Variants in NFAT5 observed in about 807,000 individuals in gnomAD.
NFAT5 encodes the protein nuclear factor of activated T-cells 5.
Under a neutral mutation model 166.5 loss-of-function variants are expected in NFAT5, and 31 were observed. That is an observed-to-expected ratio of 0.19 (90% CI 0.14 to 0.25). The LOEUF is 0.25. Ranked by LOEUF, NFAT5 falls within the 10% of genes least tolerant of loss-of-function variation. The pLI is 1.00. For synonymous variants in NFAT5, 612 were observed against 639.7 expected (o/e 0.96, Z 0.65); for missense variants, 1,449 against 1,821.8 (o/e 0.80, Z 3.72).
intron 14 of NFAT5, chr16:69,695,786 C>G (rs2037747263): frequency 6.1e-6 from 1 of 163,274 alleles, no homozygotes; most frequent in African/African-American, 2.4e-5. Context: ...GACATGACAT[C>G]TCAAGTGGAA....
At chr16:69,578,853 A>T (rs1465653212) in intron 2 of NFAT5, among the ~76,000 whole-genome samples, 1 of 151,958 alleles carries the variant, frequency 6.6e-6, no homozygotes, top group African/African-American at 2.4e-5. Flanking sequence ...CTTTAGAAAC[A>T]CTATAAAAGT....
At chr16:69,685,001 A>G (rs751521802) in intron 11 of NFAT5, 31 bp downstream of exon 11, 1 of 1,494,806 alleles carries the variant, frequency 6.7e-7, no homozygotes, top group South Asian at 1.2e-5. Flanking sequence ...AAAAATCGTA[A>G]TTGGGTGCTC....
In NFAT5 at chr16:69,673,901, C is replaced by A. The variant is rs373428563; in HGVS notation, c.1558-3302C>A. On this transcript the variant is annotated intron_variant, in intron 9 of 14. Transcript: ENST00000349945. Reference sequence around the variant, plus strand: ...GTTGTGAAAGATTGTAATAGCTGTTCAGTTGCAAACCCAAAATCAATTCAT... The same window carrying A: ...GTTGTGAAAGATTGTAATAGCTGTTAAGTTGCAAACCCAAAATCAATTCAT... Among the ~76,000 whole-genome samples the A allele has an allele frequency of 1.3e-4, 20 of 152,192 alleles. 1 individual carries two copies. The highest frequency in any genetic ancestry group is 4.6e-4 in the African/African-American group (19 of 41,518).
intron 7 of NFAT5, among the ~76,000 whole-genome samples, chr16:69,662,199 T>G (rs993387825): frequency 6.6e-6 from 1 of 152,168 alleles, no homozygotes; most frequent in Non-Finnish European, 1.5e-5. Context: ...TGCTCAGAGA[T>G]GGTAGAACTT....
intron 7 of NFAT5, among the ~76,000 whole-genome samples, chr16:69,661,457 C>G (rs1597492767): frequency 7.3e-6 from 1 of 136,774 alleles, no homozygotes; most frequent in South Asian, 2.3e-4. Context: ...GCAGAAGGAT[C>G]ACTTGAGCCC....
At chr16:69,675,892 C>T (rs1358651266) in intron 9 of NFAT5, among the ~76,000 whole-genome samples, 4 of 152,320 alleles carry the variant, frequency 2.6e-5, no homozygotes, top group East Asian at 1.9e-4. Context: ...CTGCCCACCT[C>T]GGCCTCCCAA....
At chr16:69,690,367 A>G (rs1567611013) in intron 11 of NFAT5, among the ~76,000 whole-genome samples, 1 of 152,204 alleles carries the variant, frequency 6.6e-6, no homozygotes, top group South Asian at 2.1e-4. Context: ...AATTGTGTCC[A>G]TGTGTCAACT....
In NFAT5 at chr16:69,626,380, TCCTCTCTTTCC is replaced by T. The variant is rs560475733; in HGVS notation, c.128-18_128-8del. 1.2e-4 allele frequency: 187 copies of T among 1,551,110 alleles called. No homozygotes were observed. The highest frequency in any genetic ancestry group is 3.8e-4 in the Admixed American group (17 of 45,032). On this transcript the variant is annotated splice_polypyrimidine_tract_variant and intron_variant, in intron 2 of 14. Transcript: ENST00000349945. ...TGAATCTCTTTTAAAAATTGTTTTCTCCTCTCTTTCCCCTCCCCACAGAATCTGTCTATGAT... is the reference window on the plus strand; with the variant it reads ...TGAATCTCTTTTAAAAATTGTTTTCTCCTCCCCACAGAATCTGTCTATGAT...
intron 2 of NFAT5, among the ~76,000 whole-genome samples, chr16:69,595,162 A>G (rs1475551869): frequency 6.6e-6 from 1 of 152,212 alleles, no homozygotes; most frequent in Non-Finnish European, 1.5e-5. Flanking sequence ...GACACTCAGT[A>G]TTAACCATCA....
intron 13 of NFAT5, 122 bp from the exon 14 acceptor site, chr16:69,695,014 A>G: frequency 1.3e-6 from 1 of 752,372 alleles, no homozygotes; most frequent in Non-Finnish European, 2.1e-6. Context: ...TGCAGTAATG[A>G]ATTTTCCCCA....
intron 3 of NFAT5, among the ~76,000 whole-genome samples, chr16:69,645,546 T>A (rs2035402510): frequency 6.6e-6 from 1 of 152,210 alleles, no homozygotes; most frequent in African/African-American, 2.4e-5. Flanking sequence ...AATACATGTT[T>A]TCAATTGAAA....
intron 7 of NFAT5, among the ~76,000 whole-genome samples, chr16:69,664,900 A>C (rs6499241): frequency 5.3e-5 from 8 of 151,720 alleles, no homozygotes; most frequent in Admixed American, 5.2e-4. Flanking sequence ...GGTGGTGCAT[A>C]CCTGTAATCC....
chr16:69,566,412 G>C lies in NFAT5; in HGVS notation c.73+38G>C, dbSNP rs1474188254. 98 of 858,006 alleles carry C rather than the reference G, an allele frequency of 1.1e-4. No homozygotes were observed. Among genetic ancestry groups the C allele is most frequent in the Non-Finnish European group, 1.7e-4 (92 of 538,746 alleles). 53.1% of individuals were successfully genotyped at this position (858,006 alleles called of 1,614,324 possible). A position where few individuals can be genotyped will look rare whatever the true frequency, so the allele number is the denominator to read the frequency against. ...GTGGGGGGTGGGGCGTGGGGGCGGG[G>C]AGACAGGGAGACAGGGAGACAGGGC... is the stretch of plus-strand genomic sequence containing the variant. On this transcript the variant is annotated intron_variant, in intron 1 of 14. Transcript: ENST00000349945. This position sits in a 1 kb window ranked among gnomAD's most constrained non-coding sequence, Gnocchi z 5.7.
intron 2 of NFAT5, among the ~76,000 whole-genome samples, chr16:69,580,052 G>C (rs2031566786): frequency 1.3e-5 from 2 of 152,092 alleles, no homozygotes; most frequent in Non-Finnish European, 2.9e-5. Flanking sequence ...AATGTAGCAA[G>C]AAACCAGGAT....
At chr16:69,651,821 C>G (rs902696879) in intron 4 of NFAT5, among the ~76,000 whole-genome samples, 1 of 151,982 alleles carries the variant, frequency 6.6e-6, no homozygotes, top group African/African-American at 2.4e-5. Flanking sequence ...CAGGTGCCTG[C>G]CACCACTCCT....
chr16:69,611,298 C>G (rs961958046), intron 2 of NFAT5, among the ~76,000 whole-genome samples: 1 of 152,128 alleles, frequency 6.6e-6, no homozygotes, highest in Non-Finnish European at 1.5e-5. Flanking sequence ...TATAAGCACT[C>G]AGCAAAATTC....
At chr16:69,614,523 A>G (rs921435083) in intron 2 of NFAT5, among the ~76,000 whole-genome samples, 7 of 152,224 alleles carry the variant, frequency 4.6e-5, no homozygotes, top group Admixed American at 1.3e-4. Flanking sequence ...TCTTGAACCT[A>G]CAAAAGAGTT....
At chr16:69,628,641 A>G (rs1419005466) in intron 3 of NFAT5, among the ~76,000 whole-genome samples, 1 of 152,192 alleles carries the variant, frequency 6.6e-6, no homozygotes, top group African/African-American at 2.4e-5. Context: ...TGACATACTA[A>G]TATTCTTGGT....
At chr16:69,656,880 TTA>T (rs2035903704) in intron 6 of NFAT5, among the ~76,000 whole-genome samples, 2 of 152,240 alleles carry the variant, frequency 1.3e-5, no homozygotes, top group African/African-American at 4.8e-5. Context: ...TAGATTTAGA[TTA>T]TGTGTTTTTC....
Sources: gnomAD v4.1 joint callset for allele counts (sites outside exome capture counted in the v4.1 genomes callset) on GRCh38, gnomAD v4.1.1 for gene constraint, Gnocchi (gnomAD v3.1) non-coding constraint, MANE v1.5 for transcripts, NCBI Gene and HGNC (gene_info 2026-07-23, HGNC 2026-07-21) for gene names.